Variants in AUTS2 observed in about 807,000 individuals in gnomAD.
The protein encoded by AUTS2 is autism susceptibility gene 2 protein.
In AUTS2, 17 loss-of-function variants were observed where a neutral mutation model predicts 112.4. The observed-to-expected ratio is 0.15, with a 90% CI of 0.10 to 0.23. The LOEUF (loss-of-function observed/expected upper bound fraction) is 0.23. AUTS2 is among the 10% of genes least tolerant of loss of function. The probability of loss-of-function intolerance (pLI) is 1.00; values close to 1 mark genes in which losing one functional copy is unlikely to be tolerated. For missense variants in AUTS2, 1,510 were observed against 1,701.6 expected (o/e 0.89, Z 1.98); for synonymous variants, 751 against 702.7 (o/e 1.07, Z -1.09).
At position 70,751,039 on chromosome 7, in the gene AUTS2, A is replaced by G. The variant is rs1224663218; in HGVS notation, c.743-11831A>G. 5.9e-5 allele frequency among the ~76,000 whole-genome samples: 9 copies of G among 152,332 alleles called. 1 individual carries two copies. The Middle Eastern group carries it at 0.01, about 173-fold the overall frequency. Reference sequence around the variant, plus strand: ...AAATGACTTGTTCCATGGCCCCATTATATCACAGACATGTTGATGTCTCTG... The same window carrying G: ...AAATGACTTGTTCCATGGCCCCATTGTATCACAGACATGTTGATGTCTCTG... On this transcript the variant is annotated intron_variant, in intron 6 of 18. Coordinates refer to ENST00000342771, the MANE Select transcript of AUTS2 (RefSeq NM_015570.4).
chr7:69,620,982 T>G (rs920186157), intron 1 of AUTS2, among the ~76,000 whole-genome samples: 1 of 152,210 alleles, frequency 6.6e-6, no homozygotes, highest in Non-Finnish European at 1.5e-5. Context: ...CAAGATCTTT[T>G]TGTTCCCCCT....
At chr7:70,533,838 G>A (rs946609087) in intron 5 of AUTS2, among the ~76,000 whole-genome samples, 2 of 152,202 alleles carry the variant, frequency 1.3e-5, no homozygotes, top group Admixed American at 1.3e-4. Flanking sequence ...ACCAGGGCCA[G>A]CCTTTAGTAG....
intron 5 of AUTS2, among the ~76,000 whole-genome samples, chr7:70,535,641 C>G (rs1800286910): frequency 6.6e-6 from 1 of 152,252 alleles, no homozygotes; most frequent in Middle Eastern, 3.4e-3. Context: ...TCTCAAACTC[C>G]TGACCTCAGG....
intron 2 of AUTS2, among the ~76,000 whole-genome samples, chr7:70,062,792 A>C (rs1802314235): frequency 6.6e-6 from 1 of 152,160 alleles, no homozygotes; most frequent in South Asian, 2.1e-4. Context: ...TGTTGTTTTG[A>C]ATTAAGAGGT....
At chr7:69,795,416 A>G (rs1789796117) in intron 1 of AUTS2, among the ~76,000 whole-genome samples, 1 of 152,160 alleles carries the variant, frequency 6.6e-6, no homozygotes, top group African/African-American at 2.4e-5. Context: ...GGAGTGGCTC[A>G]TACCTATAAT....
chr7:70,303,146 G>C lies in AUTS2; in HGVS notation c.661-132606G>C, dbSNP rs557749397. Among the ~76,000 whole-genome samples the C allele has an allele frequency of 3.4e-4, 52 of 151,870 alleles. 2 individuals carry two copies. In the South Asian group the frequency reaches 8.8e-3, roughly 26 times the overall value. On this transcript the variant is annotated intron_variant, in intron 4 of 18. Coordinates refer to ENST00000342771, the MANE Select transcript of AUTS2 (RefSeq NM_015570.4). ...CTACATAAGACTCCCAGAGCAAAAGGACCCTGTAACACTTGTGCCTTGGCA... is the reference window on the plus strand; with the variant it reads ...CTACATAAGACTCCCAGAGCAAAAGCACCCTGTAACACTTGTGCCTTGGCA...
At chr7:69,606,397 G>A (rs1792717440) in intron 1 of AUTS2, among the ~76,000 whole-genome samples, 2 of 152,220 alleles carry the variant, frequency 1.3e-5, no homozygotes, top group East Asian at 1.9e-4. Flanking sequence ...GGACGAGAAG[G>A]TCTGTGGCAT....
intron 1 of AUTS2, among the ~76,000 whole-genome samples, chr7:69,624,173 G>A (rs980919128): frequency 6.6e-6 from 1 of 152,142 alleles, no homozygotes; most frequent in Non-Finnish European, 1.5e-5. Flanking sequence ...TCTGCAATCT[G>A]TTTCACTGAA....
Position 70,649,632 on chromosome 7 carries a change from G to T in AUTS2, c.691-48937G>T, listed in dbSNP as rs1324124199. The stretch of plus-strand genomic sequence containing the variant: ...CAGCCTCTGCCTCCTGGGTTCAAAC[G>T]ATTTTCTTGCCTCAGCCTCCCAAGC... On this transcript the variant is annotated intron_variant, in intron 5 of 18. Coordinates refer to ENST00000342771, the MANE Select transcript of AUTS2 (RefSeq NM_015570.4). Among the ~76,000 whole-genome samples, 6 of 152,056 alleles carry T rather than the reference G, an allele frequency of 3.9e-5. No homozygotes were observed. In the East Asian group the frequency reaches 7.8e-4, roughly 20 times the overall value.
chr7:70,253,173 ATGTCATTGATT>A (rs1786689597), intron 4 of AUTS2, among the ~76,000 whole-genome samples: 1 of 152,124 alleles, frequency 6.6e-6, no homozygotes, highest in African/African-American at 2.4e-5. Context: ...TGATGTGCTC[ATGTCATTGATT>A]TGAGCAGTTG....
chr7:70,367,701 A>T (rs1792648645), intron 4 of AUTS2, among the ~76,000 whole-genome samples: 1 of 152,316 alleles, frequency 6.6e-6, no homozygotes, highest in East Asian at 1.9e-4. Context: ...GTATTATTTG[A>T]TATCTAGGAA....
intron 2 of AUTS2, among the ~76,000 whole-genome samples, chr7:70,013,084 A>T (rs1173823651): frequency 2.0e-5 from 3 of 152,184 alleles, no homozygotes; most frequent in Non-Finnish European, 4.4e-5. Context: ...TTCTCTGTAA[A>T]GTTTGGTGCA....
intron 4 of AUTS2, among the ~76,000 whole-genome samples, chr7:70,415,719 A>T (rs1335523014): frequency 6.6e-6 from 1 of 152,114 alleles, no homozygotes; most frequent in Non-Finnish European, 1.5e-5. Context: ...GGGTGGAGAG[A>T]CATCTATATT....
At chr7:70,404,354 T>C (rs1794445636) in intron 4 of AUTS2, among the ~76,000 whole-genome samples, 1 of 152,226 alleles carries the variant, frequency 6.6e-6, no homozygotes, top group South Asian at 2.1e-4. Flanking sequence ...TTTATTCCTG[T>C]CTATATCTCT....
chr7:70,241,969 A>G lies in AUTS2; in HGVS notation c.660+107398A>G, dbSNP rs956885015. 9.2e-5 allele frequency among the ~76,000 whole-genome samples: 14 copies of G among 152,230 alleles called. No individual in the cohort carries two copies. In the South Asian group the frequency reaches 1.0e-3, roughly 11 times the overall value. ...TGGTAGGAAGTTTGCCAGAGGTCCT[A>G]TTTTCCTGTGGTCAAAACAACCTGT... On this transcript the variant is annotated intron_variant, in intron 4 of 18. Coordinates refer to ENST00000342771, the MANE Select transcript of AUTS2 (RefSeq NM_015570.4).
At chr7:70,108,046 A>G (rs916860572) in intron 2 of AUTS2, among the ~76,000 whole-genome samples, 10 of 152,014 alleles carry the variant, frequency 6.6e-5, no homozygotes, top group African/African-American at 2.4e-4. Flanking sequence ...AGTGTGTGGT[A>G]TACCAGTTCA....
chr7:70,148,915 T>C (rs547027853), intron 4 of AUTS2, among the ~76,000 whole-genome samples: 27 of 152,228 alleles, frequency 1.8e-4, no homozygotes, highest in African/African-American at 6.3e-4. Context: ...TTTAAGCAAA[T>C]GAGCTCATAG....
chr7:70,125,061 T>C (rs1805891486), intron 3 of AUTS2, among the ~76,000 whole-genome samples: 1 of 152,216 alleles, frequency 6.6e-6, no homozygotes, highest in African/African-American at 2.4e-5. Flanking sequence ...ACCTGTGCCA[T>C]TTCTGGACCT....
At chr7:70,519,376 G>A (rs1379837422) in intron 5 of AUTS2, among the ~76,000 whole-genome samples, 1 of 152,190 alleles carries the variant, frequency 6.6e-6, no homozygotes, top group Non-Finnish European at 1.5e-5. Flanking sequence ...TGAGTAGCTG[G>A]TGCTGCATCC....
Sources: allele counts gnomAD v4.1 joint callset (sites outside exome capture counted in the v4.1 genomes callset), GRCh38; gene constraint gnomAD v4.1.1; transcripts MANE v1.5; gene names NCBI Gene and HGNC (gene_info 2026-07-23, HGNC 2026-07-21).